The following USP42 variants were observed in gnomAD, a reference collection of about 807,000 sequenced individuals.
USP42 encodes ubiquitin carboxyl-terminal hydrolase 42.
A neutral mutation model predicts 113.0 loss-of-function variants in USP42; 23 were observed. That is an observed-to-expected ratio of 0.20 (90% CI 0.15 to 0.29). The LOEUF (loss-of-function observed/expected upper bound fraction) is 0.29, where lower values mean the gene tolerates loss of function less well. USP42 is among the 10% of genes least tolerant of loss of function. The pLI, the probability that USP42 is intolerant of heterozygous loss-of-function variation, is 1.00. For missense variants in USP42, 2,174 were observed against 1,779.8 expected, an observed-to-expected ratio of 1.22 and a Z score of -3.99; for synonymous variants, 933 against 699.0, an observed-to-expected ratio of 1.33 and a Z score of -5.28.
intron 3 of USP42, among the ~76,000 whole-genome samples, chr7:6,116,118 AAAAC>A (rs976684207): frequency 1.5e-4 from 23 of 151,592 alleles, no homozygotes; most frequent in African/African-American, 4.6e-4. Flanking sequence ...AAAAAAAAAA[AAAAC>A]GTCTGATGCC....
At chr7:6,099,359 C>T in the USP42 span, among the ~76,000 whole-genome samples, 1 of 148,634 alleles carries the variant, frequency 6.7e-6, no homozygotes, top group South Asian at 2.1e-4. Flanking sequence ...GGACTACAGG[C>T]ACCCGCCACC....
chr7:6,094,978 G>A, the USP42 span, among the ~76,000 whole-genome samples: 1 of 151,152 alleles, frequency 6.6e-6, no homozygotes, highest in Non-Finnish European at 1.5e-5. Context: ...AGTAGAGATG[G>A]AGTTTCGCCA....
At chr7:6,102,268 C>G (rs1402011325), upstream of USP42, among the ~76,000 whole-genome samples, 1 of 149,674 alleles carries the variant, frequency 6.7e-6, no homozygotes, top group Non-Finnish European at 1.5e-5. Flanking sequence ...GTGCCATCAC[C>G]ACAGCCAACT....
intron 3 of USP42, among the ~76,000 whole-genome samples, chr7:6,133,775 C>G (rs1358362327): frequency 6.6e-6 from 1 of 152,162 alleles, no homozygotes; most frequent in Non-Finnish European, 1.5e-5. Context: ...CTGCCTCAGC[C>G]TCCCGAAGCA....
chr7:6,111,536 C>G (rs979696363), intron 2 of USP42, among the ~76,000 whole-genome samples, 162 bp downstream of exon 2: 4 of 152,008 alleles, frequency 2.6e-5, no homozygotes, highest in Middle Eastern at 3.4e-3. Flanking sequence ...GTTACTTGTT[C>G]GTCATTGACT....
At chr7:6,091,496 C>G in the USP42 span, among the ~76,000 whole-genome samples, 1 of 150,712 alleles carries the variant, frequency 6.6e-6, no homozygotes, top group Non-Finnish European at 1.5e-5. Context: ...CCCAAATGCT[C>G]AGATAACAGG....
intron 3 of USP42, chr7:6,116,678 G>A (rs1213102959): frequency 2.1e-6 from 1 of 469,604 alleles, no homozygotes; most frequent in Non-Finnish European, 4.1e-6. Context: ...AATTTGGAAA[G>A]TACAGAAAAA....
rs1345652242 is a variant in USP42 at position 6,158,622 on chromosome 7, G to A, written c.3944-828G>A. Among the ~76,000 whole-genome samples the A allele has an allele frequency of 6.6e-6, 1 of 152,244 alleles. No individual in the cohort carries two copies. The highest frequency in any genetic ancestry group is 6.5e-5 in the Admixed American group (1 of 15,292). ...CCCATGGAGTGCTGGGGAAACAGCC[G>A]GAGATGAGGACAGGCACCAGCACTG... On this transcript the variant is annotated intron_variant, in intron 16 of 17. Coordinates refer to ENST00000306177, the MANE Select transcript of USP42 (RefSeq NM_032172.3). The surrounding 1 kb of genome is among the most constrained non-coding windows in gnomAD (Gnocchi z 4.2).
At chr7:6,095,733 C>G in the USP42 span, among the ~76,000 whole-genome samples, 1 of 150,972 alleles carries the variant, frequency 6.6e-6, no homozygotes, top group Non-Finnish European at 1.5e-5. Flanking sequence ...ACTGTGTACA[C>G]TTGCATGGGA....
intron 1 of USP42, among the ~76,000 whole-genome samples, chr7:6,109,696 C>T (rs1439770126): frequency 4.8e-5 from 7 of 144,342 alleles, no homozygotes; most frequent in African/African-American, 1.1e-4. Flanking sequence ...GCGCCCCGCC[C>T]GGCCTTTTTT....
intron 1 of USP42, among the ~76,000 whole-genome samples, chr7:6,105,637 C>G (rs1779237575): frequency 6.6e-6 from 1 of 152,196 alleles, no homozygotes; most frequent in Non-Finnish European, 1.5e-5. Context: ...CCGAGGTGCC[C>G]ACGCCGGGCG....
chr7:6,104,383 G>A (rs1291959015), upstream of USP42, among the ~76,000 whole-genome samples: 1 of 152,218 alleles, frequency 6.6e-6, no homozygotes, highest in African/African-American at 2.4e-5. Context: ...GCCCGGCCCA[G>A]ACCTTGTTTC....
chr7:6,111,939 A>G (rs887668991), intron 2 of USP42: 3 of 152,708 alleles, frequency 2.0e-5, no homozygotes, highest in African/African-American at 4.8e-5. Context: ...TTTTAAGAAT[A>G]AACTTTATCT....
intron 4 of USP42, 149 bp downstream of exon 4, chr7:6,136,100 G>C (rs1781131442): frequency 1.9e-6 from 1 of 530,064 alleles, no homozygotes. Context: ...CACCTCCCAG[G>C]TTCAAACGAT....
At chr7:6,149,048 C>T (rs761324153) in intron 12 of USP42, among the ~76,000 whole-genome samples, 19 of 152,322 alleles carry the variant, frequency 1.2e-4, no homozygotes, top group South Asian at 1.0e-3. Context: ...TGCGCCTCCA[C>T]GGGGGTGCAG....
At chr7:6,151,297 T>G (rs1782034606) in intron 14 of USP42, among the ~76,000 whole-genome samples, 1 of 152,246 alleles carries the variant, frequency 6.6e-6, no homozygotes, top group African/African-American at 2.4e-5. Context: ...TTAAAAAAAT[T>G]GATTTCTTCA....
chr7:6,117,895 G>T lies in USP42; in HGVS notation c.442+2372G>T, dbSNP rs559370563. On this transcript the variant is annotated intron_variant, in intron 3 of 17. Transcript: ENST00000306177. ...GTATATTTCCTTTGCTAAAATGCCTGTTGAAATCTTTTGCCCGTTTGAAAA... is the reference window on the plus strand; with the variant it reads ...GTATATTTCCTTTGCTAAAATGCCTTTTGAAATCTTTTGCCCGTTTGAAAA... 3.3e-5 allele frequency among the ~76,000 whole-genome samples: 5 copies of T among 152,234 alleles called. No individual in the cohort carries two copies. In the South Asian group the frequency reaches 8.3e-4, roughly 25 times the overall value.
chr7:6,158,901 G>C lies in USP42; in HGVS notation c.3944-549G>C, dbSNP rs187043699. On this transcript the variant is annotated intron_variant, in intron 16 of 17. Coordinates refer to ENST00000306177, the MANE Select transcript of USP42 (RefSeq NM_032172.3). The surrounding 1 kb of genome is among the most constrained non-coding windows in gnomAD (Gnocchi z 4.2). ...GTCCAGCGGGAGGGAGGTTGAACGTGATCTTGTTTGCCTCGTGTCTCGGGT... is the reference window on the plus strand; with the variant it reads ...GTCCAGCGGGAGGGAGGTTGAACGTCATCTTGTTTGCCTCGTGTCTCGGGT... Among the ~76,000 whole-genome samples, 1 of 152,098 alleles carries C rather than the reference G, an allele frequency of 6.6e-6. No homozygotes were observed. Among genetic ancestry groups the C allele is most frequent in the East Asian group, 2.0e-4 (1 of 5,110 alleles).
intron 3 of USP42, among the ~76,000 whole-genome samples, chr7:6,133,788 G>A (rs1780979750): frequency 6.6e-6 from 1 of 152,140 alleles, no homozygotes; most frequent in South Asian, 2.1e-4. Context: ...CCGAAGCACT[G>A]GGATGACAGG....
Sources: gnomAD v4.1 joint callset for allele counts (sites outside exome capture counted in the v4.1 genomes callset) on GRCh38, gnomAD v4.1.1 for gene constraint, Gnocchi (gnomAD v3.1) non-coding constraint, MANE v1.5 for transcripts, NCBI Gene and HGNC (gene_info 2026-07-23, HGNC 2026-07-21) for gene names.